Variants in WASHC4 observed in about 807,000 individuals in gnomAD.
WASHC4 encodes WASH complex subunit 7.
In WASHC4, 86 loss-of-function variants were observed where a neutral mutation model predicts 166.6. The observed-to-expected ratio is 0.52, with a 90% confidence interval of 0.43 to 0.62. WASHC4 has a LOEUF of 0.62. Ranked by LOEUF, WASHC4 falls within the 20% of genes least tolerant of loss-of-function variation. The pLI is 0.00. For missense variants in WASHC4, 1,262 were observed against 1,382.4 expected, an observed-to-expected ratio of 0.91 and a Z score of 1.38; for synonymous variants, 446 against 451.6, an observed-to-expected ratio of 0.99 and a Z score of 0.16.
At chr12:105,116,489 T>C (rs1261095057) in intron 6 of WASHC4, among the ~76,000 whole-genome samples, 1 of 152,100 alleles carries the variant, frequency 6.6e-6, no homozygotes, top group Non-Finnish European at 1.5e-5. Flanking sequence ...TCAAAAGATG[T>C]AGTTTGGAGG....
chr12:105,119,347 T>TAA (rs1475035235), intron 7 of WASHC4, among the ~76,000 whole-genome samples: 1 of 152,214 alleles, frequency 6.6e-6, no homozygotes, highest in African/African-American at 2.4e-5. Context: ...TTTCCACACT[T>TAA]ACAATCTAAT....
chr12:105,142,679 GCATATT>G (rs1490878741), intron 19 of WASHC4, 121 bp downstream of exon 19: 4 of 650,386 alleles, frequency 6.2e-6, no homozygotes, highest in Admixed American at 2.4e-5. Flanking sequence ...TTTGTAAACT[GCATATT>G]CATAAAGTGT....
chr12:105,112,057 C>A (rs1879726758), intron 2 of WASHC4, among the ~76,000 whole-genome samples: 1 of 149,980 alleles, frequency 6.7e-6, no homozygotes, highest in Admixed American at 6.7e-5. Flanking sequence ...CCAGTTCATG[C>A]CATGGCATAC....
chr12:105,123,468 G>T (rs539565449), intron 10 of WASHC4, among the ~76,000 whole-genome samples: 1 of 152,328 alleles, frequency 6.6e-6, no homozygotes, highest in South Asian at 2.1e-4. Flanking sequence ...CTGCTCATAT[G>T]GAGAAAGTTT....
chr12:105,135,605 A>C (rs760116090), intron 14 of WASHC4, among the ~76,000 whole-genome samples: 1 of 152,012 alleles, frequency 6.6e-6, no homozygotes, highest in Non-Finnish European at 1.5e-5. Flanking sequence ...GAGCTTCTTG[A>C]ATTCATGCAA....
At chr12:105,111,631 C>G (rs1403366903) in intron 2 of WASHC4, among the ~76,000 whole-genome samples, 1 of 152,092 alleles carries the variant, frequency 6.6e-6, no homozygotes, top group Non-Finnish European at 1.5e-5. Flanking sequence ...TTAATTTTGC[C>G]AAACACTTGT....
chr12:105,164,223 A>G lies in WASHC4; in HGVS notation c.3270A>G (p.Gln1090=), dbSNP rs1212430974. 6 of 1,614,024 alleles carry G rather than the reference A, an allele frequency of 3.7e-6. No homozygotes were observed. Among genetic ancestry groups the G allele is most frequent in the African/African-American group, 2.7e-5 (2 of 74,936 alleles). The change falls in exon 31 of 33, where the codon CAA becomes CAG. Residue 1090 remains glutamine (Q), a synonymous_variant. Transcript: ENST00000332180. ...YLKEIRAVAK[Q]QNVQSASQDE... ...AGGAGATAAGAGCAGTTGCTAAGCAACAGAATGTACAGTCAGCCAGTCAAG... is the reference window on the plus strand; with the variant it reads ...AGGAGATAAGAGCAGTTGCTAAGCAGCAGAATGTACAGTCAGCCAGTCAAG...
At position 105,142,596 on chromosome 12, in the gene WASHC4, T is replaced by A. The variant is rs1343836175; in HGVS notation, c.1893+38T>A. 7 of 1,168,122 alleles carry A rather than the reference T, an allele frequency of 6.0e-6. No individual in the cohort carries two copies. In the East Asian group the frequency reaches 1.7e-4, roughly 28 times the overall value. The allele number at this position is 1,168,122 out of a possible 1,614,324, so 72.4% of individuals were successfully genotyped here. A position where few individuals can be genotyped will look rare whatever the true frequency, so the allele number is the denominator to read the frequency against. On this transcript the variant is annotated intron_variant, in intron 19 of 32. Coordinates refer to ENST00000332180, the MANE Select transcript of WASHC4 (RefSeq NM_015275.3). ...CAATATAAAGAATAATTCTATCATT[T>A]TAAAAGTCACTGTGTAAACCGTTTT...
intron 24 of WASHC4, chr12:105,148,354 A>G (rs1464731277): frequency 2.0e-6 from 2 of 985,150 alleles, no homozygotes; most frequent in Non-Finnish European, 2.4e-6. Context: ...TCTATCAAAT[A>G]TTCATGTAAC....
chr12:105,108,360 AC>A (rs1325610612), intron 1 of WASHC4, among the ~76,000 whole-genome samples: 4 of 152,212 alleles, frequency 2.6e-5, no homozygotes, highest in African/African-American at 9.7e-5. Context: ...CGTTGCTATA[AC>A]CGTAGAAGGG....
chr12:105,116,794 A>G (rs1167918118), intron 6 of WASHC4, among the ~76,000 whole-genome samples: 3 of 152,230 alleles, frequency 2.0e-5, no homozygotes, highest in Non-Finnish European at 4.4e-5. Context: ...CAGGAGTTGG[A>G]GGACAAAGAA....
intron 13 of WASHC4, among the ~76,000 whole-genome samples, chr12:105,128,220 T>G (rs1253824859): frequency 6.6e-6 from 1 of 152,148 alleles, no homozygotes; most frequent in Non-Finnish European, 1.5e-5. Flanking sequence ...CTGATTAAAG[T>G]GGAAAACTAC....
chr12:105,151,121 A>G (rs2440714), intron 25 of WASHC4, among the ~76,000 whole-genome samples: 124,439 of 140,468 alleles, frequency 0.89, 55,427 homozygotes, highest in East Asian at 1. Context: ...CTCCAGCCTG[A>G]GTGACAAGAG....
At chr12:105,150,480 T>C (rs1185108813) in intron 25 of WASHC4, among the ~76,000 whole-genome samples, 1 of 152,214 alleles carries the variant, frequency 6.6e-6, no homozygotes, top group Non-Finnish European at 1.5e-5. Context: ...TTCCCACTGA[T>C]AATTTATACG....
chr12:105,154,678 G>C (rs1260058866), intron 26 of WASHC4, among the ~76,000 whole-genome samples: 2 of 152,190 alleles, frequency 1.3e-5, no homozygotes, highest in Non-Finnish European at 2.9e-5. Context: ...TAATTTACCA[G>C]ATGAGAAGAC....
intron 28 of WASHC4, among the ~76,000 whole-genome samples, chr12:105,157,911 C>T (rs1243552025): frequency 2.0e-5 from 3 of 150,184 alleles, no homozygotes; most frequent in East Asian, 2.0e-4. Context: ...TCCCATAACA[C>T]GAGAGGCATG....
chr12:105,165,729 T>C (rs981126882), intron 32 of WASHC4, among the ~76,000 whole-genome samples: 3 of 152,202 alleles, frequency 2.0e-5, no homozygotes, highest in African/African-American at 4.8e-5. Context: ...TTCTTGACAT[T>C]GTTGCATAAA....
intron 29 of WASHC4, 107 bp from the exon 30 acceptor site, chr12:105,162,642 T>C (rs1884568304): frequency 1.5e-6 from 1 of 674,686 alleles, no homozygotes; most frequent in Admixed American, 2.0e-5. Context: ...TTCTATTCTA[T>C]TCTATTTATA....
At chr12:105,138,329 C>T (rs951890380) in intron 15 of WASHC4, among the ~76,000 whole-genome samples, 1 of 149,376 alleles carries the variant, frequency 6.7e-6, no homozygotes, top group African/African-American at 2.5e-5. Flanking sequence ...TAAAGCTTTA[C>T]TCTTGGAAGT....
Sources: allele counts gnomAD v4.1 joint callset (sites outside exome capture counted in the v4.1 genomes callset), GRCh38; gene constraint gnomAD v4.1.1; transcripts MANE v1.5; gene names NCBI Gene and HGNC (gene_info 2026-07-23, HGNC 2026-07-21).